OSBPL11: variants seen among roughly 807,000 people sequenced by gnomAD.
The protein encoded by OSBPL11 is oxysterol-binding protein-related protein 11.
In OSBPL11, 33 loss-of-function variants were observed where a neutral mutation model predicts 84.4. The observed-to-expected ratio is 0.39, with a 90% CI of 0.30 to 0.52. The LOEUF is 0.52. OSBPL11 is among the 20% of genes least tolerant of loss of function. The pLI is 0.72. For synonymous variants in OSBPL11, 276 were observed against 310.2 expected (o/e 0.89, Z 1.16); for missense variants, 736 against 901.1 (o/e 0.82, Z 2.35).
At chr3:125,552,114 A>C in intron 9 of OSBPL11, 67 bp downstream of exon 9, 1 of 936,060 alleles carries the variant, frequency 1.1e-6, no homozygotes, top group Non-Finnish European at 1.4e-6. Flanking sequence ...TGCTTGGAAA[A>C]AAAAATACAT....
At chr3:125,563,550 A>T in intron 7 of OSBPL11, 148 bp downstream of exon 7, 1 of 740,340 alleles carries the variant, frequency 1.4e-6, no homozygotes, top group Non-Finnish European at 2.1e-6. Context: ...CTCTTCAAAA[A>T]CAATGCAGTT....
At chr3:125,563,872 A>C (rs1936115122) in intron 6 of OSBPL11, 29 bp from the exon 7 acceptor site, 2 of 1,607,740 alleles carry the variant, frequency 1.2e-6, no homozygotes, top group African/African-American at 2.7e-5. Flanking sequence ...ACTTTCGCTG[A>C]AACTTGCTCA....
chr3:125,557,852 G>A (rs114494757), intron 8 of OSBPL11, among the ~76,000 whole-genome samples: 11 of 140,918 alleles, frequency 7.8e-5, no homozygotes, highest in African/African-American at 2.9e-4. Flanking sequence ...GGCTGGCAGT[G>A]GCACAATCTT....
intron 5 of OSBPL11, among the ~76,000 whole-genome samples, chr3:125,568,042 T>C (rs1936186507): frequency 1.4e-5 from 2 of 147,404 alleles, no homozygotes; most frequent in Admixed American, 1.4e-4. Flanking sequence ...TTTTTAAAAG[T>C]TCGTTTGGCT....
At chr3:125,546,437 G>A (rs752724180) in intron 10 of OSBPL11, among the ~76,000 whole-genome samples, 6 of 152,004 alleles carry the variant, frequency 3.9e-5, no homozygotes, top group Admixed American at 1.3e-4. Flanking sequence ...GGGTTCAAGT[G>A]ATCCTCCAGC....
At position 125,594,756 on chromosome 3, in the gene OSBPL11, G is replaced by A. The variant is rs1423699635; in HGVS notation, c.45C>T (p.Ser15=). 2 of 1,613,990 alleles carry A rather than the reference G, an allele frequency of 1.2e-6. No individual in the cohort carries two copies. Among genetic ancestry groups the A allele is most frequent in the African/African-American group, 2.7e-5 (2 of 74,908 alleles). The stretch of plus-strand genomic sequence containing the variant: ...TGGCCTGGCCCTCCAGCTTTCCTTC[G>A]CTCTCCGAGACTTTCATTGTGGACA... ...EPVSTMKVSE[S]EGKLEGQATA... The change falls in exon 1 of 13, where the codon AGC becomes AGT. Residue 15 remains serine (S), a synonymous_variant. Coordinates refer to ENST00000296220, the MANE Select transcript of OSBPL11 (RefSeq NM_022776.5).
At chr3:125,588,304 T>A (rs1298838056) in intron 1 of OSBPL11, among the ~76,000 whole-genome samples, 1 of 151,870 alleles carries the variant, frequency 6.6e-6, no homozygotes, top group Admixed American at 6.6e-5. Context: ...TCATTAGACT[T>A]AAAACCCAGA....
intron 8 of OSBPL11, among the ~76,000 whole-genome samples, chr3:125,557,822 G>A (rs1488493761): frequency 7.4e-6 from 1 of 135,326 alleles, no homozygotes; most frequent in East Asian, 2.1e-4. Flanking sequence ...TTTTGAGACA[G>A]GGTCTCGCTC....
In OSBPL11 at chr3:125,542,694, T is replaced by C. The variant is rs111751936; in HGVS notation, c.1842-4061A>G. On this transcript the variant is annotated intron_variant, in intron 10 of 12. Coordinates refer to ENST00000296220, the MANE Select transcript of OSBPL11 (RefSeq NM_022776.5). ...CGGTTAATTTTTTTTGTATTTTTAG[T>C]AGAGACGGGGTTTCACTGTGTTAGC... Among the ~76,000 whole-genome samples, 1,325 of 152,226 alleles carry C rather than the reference T, an allele frequency of 8.7e-3. 14 individuals are homozygous for C. The highest frequency in any genetic ancestry group is 0.03 in the African/African-American group (1,232 of 41,530).
In OSBPL11 at chr3:125,531,848, A is replaced by G; in HGVS notation, c.2178+13T>C. ...GTAGATACATTTTTATCTTGAACAC[A>G]TGTACAGCATACCTCTTTAATAAAA... On this transcript the variant is annotated intron_variant, in intron 12 of 12. Transcript: ENST00000296220. 6.2e-7 allele frequency: 1 copy of G among 1,601,518 alleles called. No homozygotes were observed. The highest frequency in any genetic ancestry group is 8.5e-7 in the Non-Finnish European group (1 of 1,176,166).
At chr3:125,564,130 C>T (rs1936119214) in intron 6 of OSBPL11, among the ~76,000 whole-genome samples, 1 of 152,188 alleles carries the variant, frequency 6.6e-6, no homozygotes, top group African/African-American at 2.4e-5. Context: ...GAAGTATATT[C>T]CCAACCTAAC....
At chr3:125,563,638 G>C (rs1580052157) in intron 7 of OSBPL11, 60 bp downstream of exon 7, 1 of 1,556,080 alleles carries the variant, frequency 6.4e-7, no homozygotes, top group Non-Finnish European at 8.8e-7. Flanking sequence ...AAAGAAAACT[G>C]ACCCTTTTTC....
chr3:125,583,379 A>G (rs983947843), intron 1 of OSBPL11, among the ~76,000 whole-genome samples: 5 of 151,642 alleles, frequency 3.3e-5, no homozygotes, highest in Non-Finnish European at 7.4e-5. Context: ...TCAGGAGTTC[A>G]AGACCAGCCT....
intron 5 of OSBPL11, among the ~76,000 whole-genome samples, chr3:125,575,594 A>G (rs553050536): frequency 5.3e-5 from 8 of 152,114 alleles, no homozygotes; most frequent in African/African-American, 1.9e-4. Flanking sequence ...CTGTGGCACA[A>G]TCATAAATCA....
intron 8 of OSBPL11, among the ~76,000 whole-genome samples, chr3:125,558,247 G>C (rs2107598378): frequency 6.6e-6 from 1 of 152,286 alleles, no homozygotes; most frequent in South Asian, 2.1e-4. Flanking sequence ...TGCTGCTCTT[G>C]TGCCTTATAA....
At chr3:125,582,880 G>C in intron 2 of OSBPL11, 30 bp downstream of exon 2, 2 of 1,502,144 alleles carry the variant, frequency 1.3e-6, no homozygotes, top group South Asian at 1.2e-5. Flanking sequence ...TCTTAGGAGA[G>C]ACTGATGTGA....
chr3:125,549,115 G>A (rs994580752), intron 9 of OSBPL11, among the ~76,000 whole-genome samples: 1 of 151,918 alleles, frequency 6.6e-6, no homozygotes, highest in Non-Finnish European at 1.5e-5. Context: ...TCTGCCTCCC[G>A]GGTTCAAGCA....
chr3:125,533,172 C>G (rs990763185), intron 11 of OSBPL11, among the ~76,000 whole-genome samples: 2 of 149,324 alleles, frequency 1.3e-5, no homozygotes, highest in Non-Finnish European at 3.0e-5. Flanking sequence ...CTTTCCTCCC[C>G]CCTTCCTTCT....
rs553607741 is a variant in OSBPL11 at position 125,592,287 on chromosome 3, C to T, written c.164+2350G>A. On this transcript the variant is annotated intron_variant, in intron 1 of 12. Coordinates refer to ENST00000296220, the MANE Select transcript of OSBPL11 (RefSeq NM_022776.5). ...CTGCTGGGCTCAAGTAATGCTCCCA[C>T]CTCAGCGCCCCAAAGTGCTAAGGAT... Among the ~76,000 whole-genome samples, 8 of 152,238 alleles carry T rather than the reference C, an allele frequency of 5.3e-5. No individual in the cohort carries two copies. The South Asian group carries it at 1.5e-3, about 28-fold the overall frequency.
Sources: allele counts gnomAD v4.1 joint callset (sites outside exome capture counted in the v4.1 genomes callset), GRCh38; gene constraint gnomAD v4.1.1; transcripts MANE v1.5; gene names NCBI Gene and HGNC (gene_info 2026-07-23, HGNC 2026-07-21).